CNOT3: variants seen among roughly 807,000 people sequenced by gnomAD.
The protein encoded by CNOT3 is CCR4-associated factor 3.
CNOT3 carries 2 observed loss-of-function variants against 89.4 expected under a neutral mutation model. That is an observed-to-expected ratio of 0.02 (90% CI 0.01 to 0.07). The LOEUF (loss-of-function observed/expected upper bound fraction) is 0.07. CNOT3 is among the 10% of genes least tolerant of loss of function. The pLI, the probability that CNOT3 is intolerant of heterozygous loss-of-function variation, is 1.00. For missense variants in CNOT3, 664 were observed against 1,010.2 expected, an observed-to-expected ratio of 0.66 and a Z score of 4.65; for synonymous variants, 486 against 402.0, an observed-to-expected ratio of 1.21 and a Z score of -2.50.
intron 1 of CNOT3, among the ~76,000 whole-genome samples, chr19:54,140,997 G>A (rs907963880): frequency 1.3e-5 from 2 of 152,170 alleles, no homozygotes; most frequent in African/African-American, 2.4e-5. Flanking sequence ...CCTCTGTTGG[G>A]TTCTTGGGAT....
At chr19:54,143,948 C>T (rs2074556587) in intron 5 of CNOT3, 58 bp from the exon 6 acceptor site, 1 of 1,577,198 alleles carries the variant, frequency 6.3e-7, no homozygotes, top group Admixed American at 2.1e-5. Context: ...GTCTGCTGGC[C>T]CTTAGTCAGC....
chr19:54,155,251 G>A (rs774134747), intron 17 of CNOT3, 58 bp from the exon 18 acceptor site: 9 of 1,598,718 alleles, frequency 5.6e-6, no homozygotes, highest in Non-Finnish European at 5.1e-6. Context: ...CTGTTGGTCC[G>A]GCCCAGATCC....
chr19:54,153,507 A>G (rs1248605915), intron 16 of CNOT3: 9 of 778,198 alleles, frequency 1.2e-5, no homozygotes, highest in Non-Finnish European at 2.2e-5. Flanking sequence ...CTTCTCTGAA[A>G]GCAATTTTCA....
In CNOT3 at chr19:54,145,760, G is replaced by A; in HGVS notation, c.646G>A (p.Asp216Asn). The part of the protein sequence containing the change: ...DVEYYVDSSQ[D>N]PDFEENEFLY... Reference sequence around the variant, plus strand: ...TGAGTACTATGTTGACTCATCCCAGGACCCCGACTTCGAGGAGAACGAGTT... The same window carrying A: ...TGAGTACTATGTTGACTCATCCCAGAACCCCGACTTCGAGGAGAACGAGTT... Residue 216 changes from aspartate (D) to asparagine (N), a missense_variant, in exon 8 of 18, where the codon GAC (aspartate) becomes AAC (asparagine). Transcript: ENST00000221232. The surrounding 1 kb of genome is among the most constrained non-coding windows in gnomAD (Gnocchi z 5.9). 6.2e-7 allele frequency: 1 copy of A among 1,613,974 alleles called. No individual in the cohort carries two copies. Among genetic ancestry groups the A allele is most frequent in the Non-Finnish European group, 8.5e-7 (1 of 1,179,840 alleles).
chr19:54,140,962 C>T (rs2074425654), intron 1 of CNOT3, among the ~76,000 whole-genome samples: 1 of 152,174 alleles, frequency 6.6e-6, no homozygotes, highest in Non-Finnish European at 1.5e-5. Flanking sequence ...TCTTCTCTCT[C>T]TGGGCTGGAG....
Position 54,153,079 on chromosome 19 carries a change from T to C in CNOT3, c.2037+80T>C, listed in dbSNP as rs563548746. On this transcript the variant is annotated intron_variant, in intron 16 of 17. Coordinates refer to ENST00000221232, the MANE Select transcript of CNOT3 (RefSeq NM_014516.4). ...GCCGTCCCCCCTCGGGCTGGAGGGG[T>C]GAGGTGGGTGCCCCACTGCGGCCAC... 1.0e-5 allele frequency: 15 copies of C among 1,486,886 alleles called. No homozygotes were observed. In the African/African-American group the frequency reaches 1.4e-4, roughly 14 times the overall value. 92.1% of individuals were successfully genotyped at this position (1,486,886 alleles called of 1,614,324 possible). A position where few individuals can be genotyped will look rare whatever the true frequency, so the allele number is the denominator to read the frequency against.
In CNOT3 at chr19:54,148,439, A is replaced by G. The variant is rs766515811; in HGVS notation, c.1186A>G (p.Ser396Gly). The change falls in exon 11 of 18, where the codon AGC (serine) becomes GGC (glycine). Residue 396 changes from serine to glycine, a missense_variant. Physicochemically the swap from Ser to Gly is moderately conservative, Grantham distance 56. Transcript: ENST00000221232. This position sits in a 1 kb window ranked among gnomAD's most constrained non-coding sequence, Gnocchi z 6.3. ...GCCCCGGCCCCCCAGCGTCCAGCCTAGCGGAGGCGGAGGCGGCGGCAGCGG... is the reference window on the plus strand; with the variant it reads ...GCCCCGGCCCCCCAGCGTCCAGCCTGGCGGAGGCGGAGGCGGCGGCAGCGG... ...TQPRPPSVQPSGGGGGGSGGG... is the reference protein window; with the variant it reads ...TQPRPPSVQPGGGGGGGSGGG... The G allele has an allele frequency of 1.3e-6, 2 of 1,568,922 alleles. No homozygotes were observed. Among genetic ancestry groups the G allele is most frequent in the Non-Finnish European group, 1.7e-6 (2 of 1,155,450 alleles).
rs587619267 is a variant in CNOT3, at chr19:54,137,855, G to A, written c.-189G>A. ...ACCCCCGTCGTCAGAACAACCCCGGGCCCACTCCCCCAACCCCACTTCCGC... is the reference window on the plus strand; with the variant it reads ...ACCCCCGTCGTCAGAACAACCCCGGACCCACTCCCCCAACCCCACTTCCGC... On this transcript the variant is annotated 5_prime_UTR_variant, in exon 1 of 18. Transcript: ENST00000221232. 2 of 152,060 alleles carry A rather than the reference G, an allele frequency of 1.3e-5. No homozygotes were observed. Among genetic ancestry groups the A allele is most frequent in the East Asian group, 3.9e-4 (2 of 5,142 alleles). The allele number at this position is 152,060 out of a possible 1,614,324, so 9.4% of individuals were successfully genotyped here.
chr19:54,148,838 C>A lies in CNOT3; in HGVS notation c.1406+95C>A. 8.2e-6 allele frequency: 9 copies of A among 1,098,176 alleles called. No homozygotes were observed. The highest frequency in any genetic ancestry group is 1.6e-5 in the African/African-American group (1 of 63,458). 68.0% of individuals were successfully genotyped at this position (1,098,176 alleles called of 1,614,324 possible). On this transcript the variant is annotated intron_variant, in intron 12 of 17. Coordinates refer to ENST00000221232, the MANE Select transcript of CNOT3 (RefSeq NM_014516.4). This position sits in a 1 kb window ranked among gnomAD's most constrained non-coding sequence, Gnocchi z 6.3. ...CCCCGCATCGGTGGGTTCTGAACCCCCCGCCCTTGCTGCTGGGAATGGCCA... is the reference window on the plus strand; with the variant it reads ...CCCCGCATCGGTGGGTTCTGAACCCACCGCCCTTGCTGCTGGGAATGGCCA...
rs2074639943 is a variant in CNOT3, at chr19:54,145,802, G to A, written c.688G>A (p.Asp230Asn). Residue 230 changes from aspartate (D) to asparagine (N), a missense_variant, in exon 8 of 18, where the codon GAC (aspartate) becomes AAC (asparagine). Coordinates refer to ENST00000221232, the MANE Select transcript of CNOT3 (RefSeq NM_014516.4). The surrounding 1 kb of genome is among the most constrained non-coding windows in gnomAD (Gnocchi z 5.9). ...EENEFLYDDL[D>N]LEDIPQALVA... is the part of the protein sequence containing the mutation. ...GAACGAGTTTCTCTACGATGACCTG[G>A]ACCTCGAGGACATTCGTGAGGCCCT... 1 of 1,612,184 alleles carries A rather than the reference G, an allele frequency of 6.2e-7. No homozygotes were observed. The highest frequency in any genetic ancestry group is 8.5e-7 in the Non-Finnish European group (1 of 1,178,458).
intron 15 of CNOT3, 76 bp from the exon 16 acceptor site, chr19:54,152,791 A>G: frequency 1.2e-6 from 1 of 848,188 alleles, no homozygotes; most frequent in Non-Finnish European, 2.0e-6. Flanking sequence ...CCCCGCAGGG[A>G]TGCATGTCTG....
intron 1 of CNOT3, among the ~76,000 whole-genome samples, 161 bp downstream of exon 1, chr19:54,138,154 C>T (rs1488428140): frequency 6.6e-6 from 1 of 151,800 alleles, no homozygotes; most frequent in Non-Finnish European, 1.5e-5. Context: ...CGCGGGGCTC[C>T]CGGCGGGGGG....
rs113700447 is a variant in CNOT3, at chr19:54,144,080, C to T, written c.333C>T (p.Ala111=). ...ACAGCAAAGAGGGCCTGGGCCTGGC[C>T]CAGAAGGTAGATCCTGCCCAGAAGG... is the stretch of plus-strand genomic sequence containing the variant. ...KAYSKEGLGL[A]QKVDPAQKEK... The change falls in exon 6 of 18, where the codon GCC becomes GCT. Residue 111 remains alanine (A), a synonymous_variant. Coordinates refer to ENST00000221232, the MANE Select transcript of CNOT3 (RefSeq NM_014516.4). This position sits in a 1 kb window ranked among gnomAD's most constrained non-coding sequence, Gnocchi z 4.8. The T allele has an allele frequency of 6.2e-7, 1 of 1,603,788 alleles. No individual in the cohort carries two copies. The highest frequency in any genetic ancestry group is 1.4e-5 in the African/African-American group (1 of 74,042).
intron 1 of CNOT3, among the ~76,000 whole-genome samples, chr19:54,140,119 C>A (rs995376994): frequency 6.6e-6 from 1 of 152,150 alleles, no homozygotes; most frequent in Admixed American, 6.5e-5. Flanking sequence ...GACCTCCTGC[C>A]CCTCCCTCCT....
At chr19:54,146,142 G>A in intron 9 of CNOT3, 99 bp downstream of exon 9, 2 of 1,311,514 alleles carry the variant, frequency 1.5e-6, no homozygotes, top group Middle Eastern at 2.1e-4. Context: ...GAGCGTAATT[G>A]AGGAAACACA....
rs368148162 is a variant in CNOT3 at position 54,149,773 on chromosome 19, C to T, written c.1605+15C>T. The T allele has an allele frequency of 1.5e-5, 24 of 1,585,288 alleles. No homozygotes were observed. In the African/African-American group the frequency reaches 3.0e-4, roughly 20 times the overall value. ...CAGAAATCAAGGTGGGCTCCTCGGA[C>T]ATCCCCCGAGCCTCTGTGTCCTGAC... On this transcript the variant is annotated intron_variant, in intron 13 of 17. Coordinates refer to ENST00000221232, the MANE Select transcript of CNOT3 (RefSeq NM_014516.4).
At chr19:54,153,332 T>G (rs42318) in intron 16 of CNOT3, 1 of 761,340 alleles carries the variant, frequency 1.3e-6, no homozygotes, top group Admixed American at 1.7e-5. Flanking sequence ...CTCTGCTCAT[T>G]GGCACATTCT....
chr19:54,142,014 A>T (rs1329392169), intron 1 of CNOT3: 2 of 152,068 alleles, frequency 1.3e-5, no homozygotes, highest in Admixed American at 6.5e-5. Flanking sequence ...TAAAATAAAG[A>T]CGCTCCTCTC....
At position 54,145,552 on chromosome 19, in the gene CNOT3, G is replaced by T; in HGVS notation, c.484-46G>T. On this transcript the variant is annotated intron_variant, in intron 7 of 17. Coordinates refer to ENST00000221232, the MANE Select transcript of CNOT3 (RefSeq NM_014516.4). The surrounding 1 kb of genome is among the most constrained non-coding windows in gnomAD (Gnocchi z 5.9). ...GTTCTGTGGGGGCAGGAGGGGCCAA[G>T]CAGGTGCTCTGCAGCCCCTGAGCCT... 7.3e-7 allele frequency: 1 copy of T among 1,360,704 alleles called. No homozygotes were observed. The highest frequency in any genetic ancestry group is 1.2e-5 in the South Asian group (1 of 84,588). 84.3% of individuals were successfully genotyped at this position (1,360,704 alleles called of 1,614,324 possible).
Sources: gnomAD v4.1 joint callset for allele counts (sites outside exome capture counted in the v4.1 genomes callset) on GRCh38, gnomAD v4.1.1 for gene constraint, Gnocchi (gnomAD v3.1) non-coding constraint, MANE v1.5 for transcripts, NCBI Gene and HGNC (gene_info 2026-07-23, HGNC 2026-07-21) for gene names.